HELZ: variants seen among roughly 807,000 people sequenced by gnomAD.
HELZ encodes ATP-dependent RNA helicase with zinc finger domain.
A neutral mutation model predicts 218.2 loss-of-function variants in HELZ; 23 were observed. That is an observed-to-expected ratio of 0.11 (90% CI 0.08 to 0.15). HELZ has a LOEUF of 0.15. HELZ is among the 10% of genes least tolerant of loss of function. The pLI is 1.00. For missense variants in HELZ, 1,813 were observed against 2,353.7 expected (o/e 0.77, Z 4.75); for synonymous variants, 814 against 829.4 (o/e 0.98, Z 0.32).
intron 7 of HELZ, 84 bp downstream of exon 7, chr17:67,201,045 A>G (rs771470235): frequency 3.8e-6 from 4 of 1,051,310 alleles, no homozygotes; most frequent in South Asian, 2.5e-5. Flanking sequence ...TGATGCCACA[A>G]TGGTTTTCCA....
chr17:67,081,847 C>A (rs1017815336), intron 32 of HELZ, among the ~76,000 whole-genome samples: 1 of 152,004 alleles, frequency 6.6e-6, no homozygotes, highest in African/African-American at 2.4e-5. Context: ...GAAAGTGAGA[C>A]CTTTAGCTAG....
In HELZ at chr17:67,123,825, G is replaced by A. The variant is rs948693603; in HGVS notation, c.3439+138C>T. 40 of 695,244 alleles carry A rather than the reference G, an allele frequency of 5.8e-5. No homozygotes were observed. In the South Asian group the frequency reaches 5.9e-4, roughly 10 times the overall value. 43.1% of individuals were successfully genotyped at this position (695,244 alleles called of 1,614,324 possible). On this transcript the variant is annotated intron_variant, in intron 25 of 32. Coordinates refer to ENST00000358691, the MANE Select transcript of HELZ (RefSeq NM_014877.4). ...GAGGTTCCAAAGTGACTGTGTGTGT[G>A]TGTGTGTGTGTGTGTGTGTGTCAGA...
At position 67,193,818 on chromosome 17, in the gene HELZ, T is replaced by C. The variant is rs759120491; in HGVS notation, c.557+149A>G. 56 of 627,306 alleles carry C rather than the reference T, an allele frequency of 8.9e-5. 1 individual carries two copies. The highest frequency in any genetic ancestry group is 2.6e-4 in the South Asian group (13 of 50,934). The allele number at this position is 627,306 out of a possible 1,614,324, so 38.9% of individuals were successfully genotyped here. ...ATTAAAGGAAGAGAACTCATCAATATGGTTTTGACTTTTATTACTTAATGA... is the reference window on the plus strand; with the variant it reads ...ATTAAAGGAAGAGAACTCATCAATACGGTTTTGACTTTTATTACTTAATGA... On this transcript the variant is annotated intron_variant, in intron 9 of 32. Transcript: ENST00000358691.
intron 18 of HELZ, 171 bp from the exon 19 acceptor site, chr17:67,150,156 G>C: frequency 3.9e-6 from 1 of 257,490 alleles, no homozygotes; most frequent in South Asian, 4.9e-5. Flanking sequence ...TTTTTTTTGA[G>C]ACAGGGTGTC....
At chr17:67,172,164 C>G (rs1402223853) in intron 13 of HELZ, among the ~76,000 whole-genome samples, 1 of 152,088 alleles carries the variant, frequency 6.6e-6, no homozygotes, top group African/African-American at 2.4e-5. Context: ...CAAATCTTAC[C>G]TGTTTTTCAA....
At chr17:67,110,581 G>A (rs1203079604) in intron 28 of HELZ, among the ~76,000 whole-genome samples, 1 of 152,118 alleles carries the variant, frequency 6.6e-6, no homozygotes, top group Non-Finnish European at 1.5e-5. Flanking sequence ...CCTGGTGTTG[G>A]AAATTAAACA....
intron 17 of HELZ, among the ~76,000 whole-genome samples, chr17:67,157,474 T>A (rs1327001350): frequency 1.3e-5 from 2 of 152,262 alleles, no homozygotes; most frequent in Non-Finnish European, 2.9e-5. Context: ...AAATATTCTC[T>A]GTACTTTCAT....
chr17:67,144,880 C>T (rs533617392), intron 21 of HELZ, among the ~76,000 whole-genome samples: 1 of 152,276 alleles, frequency 6.6e-6, no homozygotes, highest in South Asian at 2.1e-4. Flanking sequence ...TTAAATGGCA[C>T]AGACTAACCA....
At chr17:67,160,576 A>G (rs1240592420) in intron 16 of HELZ, among the ~76,000 whole-genome samples, 1 of 152,212 alleles carries the variant, frequency 6.6e-6, no homozygotes, top group Non-Finnish European at 1.5e-5. Flanking sequence ...TAAGTCTATC[A>G]TATAAAATAT....
rs557684458 is a variant in HELZ at position 67,204,094 on chromosome 17, T to C, written c.248-651A>G. Among the ~76,000 whole-genome samples the C allele has an allele frequency of 2.0e-5, 3 of 152,372 alleles. No individual in the cohort carries two copies. The South Asian group carries it at 6.2e-4, about 32-fold the overall frequency. The stretch of plus-strand genomic sequence containing the variant: ...ATGGTTCAATTAGTAGAGCAATCTA[T>C]ATCCTCTGCATTGCTAAGTCCAAGG... On this transcript the variant is annotated intron_variant, in intron 5 of 32. Transcript: ENST00000358691.
intron 26 of HELZ, among the ~76,000 whole-genome samples, chr17:67,121,282 A>G (rs181721558): frequency 6.1e-4 from 93 of 152,376 alleles, no homozygotes; most frequent in Admixed American, 2.2e-3. Context: ...TTATTTTATT[A>G]TAACTGTTAA....
intron 24 of HELZ, among the ~76,000 whole-genome samples, chr17:67,126,196 T>C (rs1262272820): frequency 6.6e-6 from 1 of 152,204 alleles, no homozygotes; most frequent in Non-Finnish European, 1.5e-5. Flanking sequence ...AATTGCCAGG[T>C]AATCCATTTG....
chr17:67,183,717 G>A (rs1196516180), intron 12 of HELZ, among the ~76,000 whole-genome samples: 3 of 152,142 alleles, frequency 2.0e-5, no homozygotes, highest in Non-Finnish European at 4.4e-5. Context: ...AATGCAGTCT[G>A]TTTTCTAAAC....
intron 31 of HELZ, among the ~76,000 whole-genome samples, chr17:67,089,668 T>TATATAGAGAGAG (rs71293575): frequency 3.5e-4 from 25 of 70,644 alleles, no homozygotes; most frequent in African/African-American, 1.2e-3. Flanking sequence ...TATATATATA[T>TATATAGAGAGAG]AGAGAGAGAG....
At chr17:67,216,000 C>A in intron 4 of HELZ, 65 bp from the exon 5 acceptor site, 1 of 912,580 alleles carries the variant, frequency 1.1e-6, no homozygotes, top group South Asian at 1.4e-5. Flanking sequence ...GAGATGTTGT[C>A]AAAGGGAAAC....
At chr17:67,144,045 T>C (rs926508467) in intron 21 of HELZ, among the ~76,000 whole-genome samples, 3 of 152,318 alleles carry the variant, frequency 2.0e-5, no homozygotes, top group Middle Eastern at 6.8e-3. Flanking sequence ...TTATAAAAGA[T>C]ATCATTTTCC....
At chr17:67,173,122 G>A (rs982192035) in intron 13 of HELZ, 2 of 699,968 alleles carry the variant, frequency 2.9e-6, no homozygotes, top group Non-Finnish European at 3.5e-6. Context: ...AAGAAATGCA[G>A]CTTTTCCCAC....
At chr17:67,186,774 A>C (rs1402936532) in intron 12 of HELZ, among the ~76,000 whole-genome samples, 1 of 152,210 alleles carries the variant, frequency 6.6e-6, no homozygotes, top group African/African-American at 2.4e-5. Context: ...CATGTAAGCC[A>C]AGAACATCCT....
intron 4 of HELZ, among the ~76,000 whole-genome samples, chr17:67,216,293 T>C (rs2040599230): frequency 1.3e-5 from 2 of 152,136 alleles, no homozygotes; most frequent in African/African-American, 4.8e-5. Context: ...ATACACTCTG[T>C]CTTCCTTCTA....
Sources: gnomAD v4.1 joint callset for allele counts (sites outside exome capture counted in the v4.1 genomes callset) on GRCh38, gnomAD v4.1.1 for gene constraint, MANE v1.5 for transcripts, NCBI Gene and HGNC (gene_info 2026-07-23, HGNC 2026-07-21) for gene names.